The following GAD1 variants were observed in gnomAD, a reference collection of about 807,000 sequenced individuals.
GAD1 encodes 67 kDa glutamic acid decarboxylase.
In GAD1, 35 loss-of-function variants were observed where a neutral mutation model predicts 75.2. The ratio of observed to expected loss-of-function variants is 0.47; its 90% CI spans 0.36 to 0.62. The LOEUF (loss-of-function observed/expected upper bound fraction) is 0.62. GAD1 is among the 20% of genes least tolerant of loss of function. The probability of loss-of-function intolerance (pLI) is 0.00; values close to 1 mark genes in which losing one functional copy is unlikely to be tolerated. For missense variants in GAD1, 490 were observed against 758.5 expected (o/e 0.65, Z 4.16); for synonymous variants, 257 against 271.9 (o/e 0.95, Z 0.54).
At chr2:170,847,941 C>A (rs1346019721) in intron 11 of GAD1, 149 bp downstream of exon 11, 5 of 746,634 alleles carry the variant, frequency 6.7e-6, no homozygotes, top group Non-Finnish European at 1.2e-5. Flanking sequence ...GCCAGCCATT[C>A]ACAACTGGTA....
chr2:170,834,873 G>A (rs1702333109), intron 5 of GAD1, among the ~76,000 whole-genome samples: 1 of 151,224 alleles, frequency 6.6e-6, no homozygotes, highest in South Asian at 2.1e-4. Context: ...GGGTTCAAGC[G>A]ATTCCCCTGC....
rs555057133 is a variant in GAD1 at position 170,849,281 on chromosome 2, C to T, written c.1120-5C>T. 3.7e-6 allele frequency: 6 copies of T among 1,614,012 alleles called. No individual in the cohort carries two copies. The highest frequency in any genetic ancestry group is 2.2e-5 in the South Asian group (2 of 91,080). On this transcript the variant is annotated splice_region_variant and splice_polypyrimidine_tract_variant and intron_variant, in intron 11 of 16. Transcript: ENST00000358196. ...CCTCTTCCTCTCCTTTCTCTGTCCC[C>T]ACAGGCTGCCTGGGGAGGTGGGCTG...
chr2:170,819,908 G>T (rs577446051), intron 2 of GAD1, among the ~76,000 whole-genome samples: 1 of 152,154 alleles, frequency 6.6e-6, no homozygotes, highest in Non-Finnish European at 1.5e-5. Context: ...AGGAGGTCTC[G>T]TGTTAAGTCC....
chr2:170,825,229 T>G (rs1346084817), intron 3 of GAD1, among the ~76,000 whole-genome samples: 1 of 151,946 alleles, frequency 6.6e-6, no homozygotes, highest in Non-Finnish European at 1.5e-5. Context: ...CTACAAAAAC[T>G]TTCAAAAAAT....
chr2:170,846,187 T>C, intron 10 of GAD1, 124 bp downstream of exon 10: 1 of 865,820 alleles, frequency 1.2e-6, no homozygotes, highest in Non-Finnish European at 1.9e-6. Flanking sequence ...TCTTCAAATT[T>C]GCTTATTTCC....
chr2:170,859,690 T>G lies in GAD1; in HGVS notation c.1612-19T>G, dbSNP rs1702920080. On this transcript the variant is annotated intron_variant, in intron 16 of 16. Coordinates refer to ENST00000358196, the MANE Select transcript of GAD1 (RefSeq NM_000817.3). The stretch of plus-strand genomic sequence containing the variant: ...GTTCATATCAATCTTGAGTTTTGTT[T>G]TGTGTTTTCCATCACAAGGTGGCTC... 1.2e-6 allele frequency: 2 copies of G among 1,613,606 alleles called. No homozygotes were observed. The highest frequency in any genetic ancestry group is 1.7e-6 in the Non-Finnish European group (2 of 1,179,756).
rs1169080308 is a variant in GAD1, at chr2:170,829,039, G to T, written c.146-436G>T. 3 of 299,162 alleles carry T rather than the reference G, an allele frequency of 1.0e-5. No homozygotes were observed. In the East Asian group the frequency reaches 2.8e-4, roughly 28 times the overall value. The allele number at this position is 299,162 out of a possible 1,614,324, so 18.5% of individuals were successfully genotyped here. A position where few individuals can be genotyped will look rare whatever the true frequency, so the allele number is the denominator to read the frequency against. On this transcript the variant is annotated intron_variant, in intron 3 of 16. Coordinates refer to ENST00000358196, the MANE Select transcript of GAD1 (RefSeq NM_000817.3). ...CTGTCCTCACCCTCCTCCCTCAGCT[G>T]TCCTCACCTCTCCTCCTACCTCTGC...
At chr2:170,849,380 C>G in intron 12 of GAD1, 30 bp downstream of exon 12, 1 of 1,600,304 alleles carries the variant, frequency 6.2e-7, no homozygotes, top group Non-Finnish European at 8.6e-7. Context: ...AGGCCTCCTT[C>G]CACCCAGCAC....
chr2:170,823,065 C>T (rs1392458968), intron 3 of GAD1, among the ~76,000 whole-genome samples: 1 of 152,236 alleles, frequency 6.6e-6, no homozygotes, highest in Non-Finnish European at 1.5e-5. Flanking sequence ...GCCTCACTTT[C>T]CTGGCTACAT....
chr2:170,814,081 T>G (rs1040779669), upstream of GAD1, among the ~76,000 whole-genome samples: 1 of 151,684 alleles, frequency 6.6e-6, no homozygotes, highest in Non-Finnish European at 1.5e-5. Flanking sequence ...CCAAGAATCC[T>G]CCCCCAGGAA....
chr2:170,842,697 C>T, intron 6 of GAD1: 3 of 1,611,474 alleles, frequency 1.9e-6, no homozygotes, highest in Non-Finnish European at 2.5e-6. Flanking sequence ...TCCTAAATTT[C>T]CAGGGGCCTC....
At chr2:170,835,545 T>C (rs1427887984) in intron 5 of GAD1, among the ~76,000 whole-genome samples, 4 of 152,198 alleles carry the variant, frequency 2.6e-5, no homozygotes, top group Admixed American at 2.0e-4. Context: ...AAAAATAAGA[T>C]TTTGAAGGAC....
chr2:170,815,683 G>A (rs542034133), upstream of GAD1, among the ~76,000 whole-genome samples: 1 of 152,302 alleles, frequency 6.6e-6, no homozygotes, highest in African/African-American at 2.4e-5. Context: ...CCTACACGGT[G>A]TCACCCAGAC....
intron 6 of GAD1, among the ~76,000 whole-genome samples, chr2:170,837,108 C>G (rs1488492669): frequency 6.6e-6 from 1 of 152,290 alleles, no homozygotes; most frequent in Middle Eastern, 3.4e-3. Context: ...GAAATAATAA[C>G]TCTAACTTCC....
At chr2:170,824,891 C>T (rs1232825713) in intron 3 of GAD1, among the ~76,000 whole-genome samples, 1 of 151,886 alleles carries the variant, frequency 6.6e-6, no homozygotes, top group Non-Finnish European at 1.5e-5. Flanking sequence ...CTCTTGCTGC[C>T]AACTACAGCC....
chr2:170,822,178 C>A (rs964934575), intron 3 of GAD1, 29 bp downstream of exon 3: 3 of 1,603,400 alleles, frequency 1.9e-6, no homozygotes, highest in South Asian at 2.2e-5. Context: ...TGGGGCCCGG[C>A]TGGGTGGCGC....
At chr2:170,852,905 C>T in intron 13 of GAD1, 113 bp downstream of exon 13, 2 of 891,016 alleles carry the variant, frequency 2.2e-6, no homozygotes, top group Middle Eastern at 2.5e-4. Context: ...AGATTGGCAG[C>T]CCCACTGAGA....
intron 5 of GAD1, 81 bp downstream of exon 5, chr2:170,831,273 T>C: frequency 6.7e-7 from 1 of 1,495,530 alleles, no homozygotes; most frequent in Non-Finnish European, 9.3e-7. Flanking sequence ...ATATCAAACT[T>C]GTGTTGGAAG....
In GAD1 at chr2:170,818,775, G is replaced by A. The variant is rs944192915; in HGVS notation, c.82+102G>A. ...GCGGAAAGGGAAGGGGGAGCGCGGAGATAATGGAGGCTGGGAAATAAATGG... is the reference window on the plus strand; with the variant it reads ...GCGGAAAGGGAAGGGGGAGCGCGGAAATAATGGAGGCTGGGAAATAAATGG... On this transcript the variant is annotated intron_variant, in intron 2 of 16. Coordinates refer to ENST00000358196, the MANE Select transcript of GAD1 (RefSeq NM_000817.3). The surrounding 1 kb of genome is among the most constrained non-coding windows in gnomAD (Gnocchi z 5.9). 122 of 1,104,360 alleles carry A rather than the reference G, an allele frequency of 1.1e-4. 1 individual carries two copies. The highest frequency in any genetic ancestry group is 1.6e-4 in the Non-Finnish European group (115 of 721,604). 68.4% of individuals were successfully genotyped at this position (1,104,360 alleles called of 1,614,324 possible). A position where few individuals can be genotyped will look rare whatever the true frequency, so the allele number is the denominator to read the frequency against.
Sources: gnomAD v4.1 joint callset for allele counts (sites outside exome capture counted in the v4.1 genomes callset) on GRCh38, gnomAD v4.1.1 for gene constraint, Gnocchi (gnomAD v3.1) non-coding constraint, MANE v1.5 for transcripts, NCBI Gene and HGNC (gene_info 2026-07-23, HGNC 2026-07-21) for gene names.